HEMK2: variants seen among roughly 807,000 people sequenced by gnomAD.
The protein encoded by HEMK2 is methyltransferase HEMK2.
the HEMK2 span, among the ~76,000 whole-genome samples, chr21:28,714,189 C>G: frequency 6.6e-6 from 1 of 152,124 alleles, no homozygotes; most frequent in East Asian, 1.9e-4. Context: ...ATAAATTTTT[C>G]TAAGCTTTGT....
chr21:28,651,615 T>A, the HEMK2 span, among the ~76,000 whole-genome samples: 1 of 152,204 alleles, frequency 6.6e-6, no homozygotes, highest in Non-Finnish European at 1.5e-5. Context: ...CTCCTCTGTA[T>A]AATTACCAAA....
the HEMK2 span, among the ~76,000 whole-genome samples, chr21:28,703,241 T>A: frequency 6.6e-6 from 1 of 151,838 alleles, no homozygotes; most frequent in South Asian, 2.1e-4. Flanking sequence ...GGTGAAATAA[T>A]CTTTACACCA....
the HEMK2 span, among the ~76,000 whole-genome samples, chr21:28,839,839 C>T: frequency 6.6e-6 from 1 of 152,096 alleles, no homozygotes; most frequent in Non-Finnish European, 1.5e-5. Flanking sequence ...AATACCACCA[C>T]CATTCTTCAC....
chr21:28,602,090 A>G, the HEMK2 span, among the ~76,000 whole-genome samples: 2 of 152,092 alleles, frequency 1.3e-5, no homozygotes, highest in Non-Finnish European at 2.9e-5. Flanking sequence ...AACAAGAAAA[A>G]CCTTTAATTA....
chr21:28,681,127 T>C, the HEMK2 span, among the ~76,000 whole-genome samples: 3 of 152,196 alleles, frequency 2.0e-5, no homozygotes, highest in African/African-American at 7.2e-5. Context: ...TGTTTGCAGA[T>C]GACATAATTG....
chr21:28,882,160 C>A, the HEMK2 span: 1 of 1,568,820 alleles, frequency 6.4e-7, no homozygotes. Context: ...ATTATCTTAC[C>A]AAATCTGTAA....
the HEMK2 span, among the ~76,000 whole-genome samples, chr21:28,759,432 T>A: frequency 6.6e-6 from 1 of 152,212 alleles, no homozygotes; most frequent in African/African-American, 2.4e-5. Flanking sequence ...TAACTTGCTT[T>A]TGATTTTACA....
chr21:28,776,047 T>C, the HEMK2 span, among the ~76,000 whole-genome samples: 1 of 151,974 alleles, frequency 6.6e-6, no homozygotes, highest in Non-Finnish European at 1.5e-5. Flanking sequence ...GCAGAGGAGT[T>C]ATAGGTTTTA....
At chr21:28,621,393 C>T in the HEMK2 span, among the ~76,000 whole-genome samples, 1 of 152,154 alleles carries the variant, frequency 6.6e-6, no homozygotes, top group Non-Finnish European at 1.5e-5. Context: ...GTTTCTTAAT[C>T]CTGAGTTCTA....
the HEMK2 span, chr21:28,883,217 C>A: frequency 2.1e-6 from 1 of 482,702 alleles, no homozygotes; most frequent in Non-Finnish European, 3.5e-6. Flanking sequence ...TTTATAATTT[C>A]TGACAACTAC....
the HEMK2 span, among the ~76,000 whole-genome samples, chr21:28,784,427 C>G: frequency 1.3e-5 from 2 of 149,814 alleles, no homozygotes; most frequent in Admixed American, 6.7e-5. Flanking sequence ...TCTAGCTAAT[C>G]TAGTGGGGAC....
the HEMK2 span, among the ~76,000 whole-genome samples, chr21:28,801,312 C>T: frequency 6.6e-6 from 1 of 152,132 alleles, no homozygotes; most frequent in Non-Finnish European, 1.5e-5. Flanking sequence ...TGGATTCATA[C>T]CTCACATTTT....
the HEMK2 span, among the ~76,000 whole-genome samples, chr21:28,853,916 A>G: frequency 6.6e-6 from 1 of 152,162 alleles, no homozygotes; most frequent in Non-Finnish European, 1.5e-5. Context: ...AACAGTAGAC[A>G]CCTGGTGAGG....
At chr21:28,632,295 T>G in the HEMK2 span, among the ~76,000 whole-genome samples, 1 of 152,228 alleles carries the variant, frequency 6.6e-6, no homozygotes, top group Non-Finnish European at 1.5e-5. Context: ...ATTGTAGAAA[T>G]CAGTGTGTCT....
chr21:28,642,030 G>A, the HEMK2 span, among the ~76,000 whole-genome samples: 2 of 152,190 alleles, frequency 1.3e-5, no homozygotes, highest in South Asian at 2.1e-4. Context: ...AGAGGTGGAT[G>A]AATACATGTG....
the HEMK2 span, among the ~76,000 whole-genome samples, chr21:28,634,366 T>C: frequency 6.6e-6 from 1 of 152,288 alleles, no homozygotes; most frequent in South Asian, 2.1e-4. Context: ...GCCAAATCTG[T>C]CGCAGTAGCT....
At chr21:28,659,023 T>C in the HEMK2 span, among the ~76,000 whole-genome samples, 1 of 152,142 alleles carries the variant, frequency 6.6e-6, no homozygotes, top group African/African-American at 2.4e-5. Context: ...AACCAGCTAC[T>C]TCCTGACTGT....
the HEMK2 span, among the ~76,000 whole-genome samples, chr21:28,697,778 CAAAAAAAAA>C: frequency 1.3e-5 from 1 of 79,554 alleles, no homozygotes; most frequent in African/African-American, 5.9e-5. Flanking sequence ...ATCATGAGCC[CAAAAAAAAA>C]AAAAAAAAAA....
At chr21:28,629,849 C>T in the HEMK2 span, among the ~76,000 whole-genome samples, 1 of 151,908 alleles carries the variant, frequency 6.6e-6, no homozygotes, top group Non-Finnish European at 1.5e-5. Context: ...ATCAGGGGAT[C>T]GAAGGACAAG....
Sources: gnomAD v4.1 joint callset for allele counts (sites outside exome capture counted in the v4.1 genomes callset) on GRCh38, gnomAD v4.1.1 for gene constraint, MANE v1.5 for transcripts, NCBI Gene and HGNC (gene_info 2026-07-23, HGNC 2026-07-21) for gene names.